CADM1: variants seen among roughly 807,000 people sequenced by gnomAD.
CADM1 encodes the protein cell adhesion molecule 1.
In CADM1, 15 loss-of-function variants were observed where a neutral mutation model predicts 53.1. That is an observed-to-expected ratio of 0.28 (90% confidence interval 0.19 to 0.44). The LOEUF is 0.44. CADM1 is among the 20% of genes least tolerant of loss of function. CADM1 has a pLI of 1.00. For synonymous variants in CADM1, 281 were observed against 243.0 expected (o/e 1.16, Z -1.45); for missense variants, 434 against 611.3 (o/e 0.71, Z 3.06).
At chr11:115,393,066 CAAAAAAAAA>C (rs758785520) in intron 1 of CADM1, among the ~76,000 whole-genome samples, 1 of 50,218 alleles carries the variant, frequency 2.0e-5, no homozygotes, top group Non-Finnish European at 3.8e-5. Context: ...CCATCTCTTC[CAAAAAAAAA>C]AAAAAAAAAA....
At chr11:115,329,277 A>T (rs1037025324) in intron 1 of CADM1, among the ~76,000 whole-genome samples, 1 of 152,116 alleles carries the variant, frequency 6.6e-6, no homozygotes, top group Non-Finnish European at 1.5e-5. Context: ...AGAACTGAAA[A>T]ATGTCCCTCC....
rs2135178016 is a variant in CADM1, at chr11:115,317,214, C to T, written c.125-76794G>A. Among the ~76,000 whole-genome samples, 3 of 152,274 alleles carry T rather than the reference C, an allele frequency of 2.0e-5. No homozygotes were observed. In the East Asian group the frequency reaches 5.8e-4, roughly 29 times the overall value. On this transcript the variant is annotated intron_variant, in intron 1 of 11. Coordinates refer to ENST00000331581, the MANE Select transcript of CADM1 (RefSeq NM_001301043.2). ...AGCCCAGATACAGAAAATTGATCTTCAATTGCCCCTGCAGCCTTGCAGACA... is the reference window on the plus strand; with the variant it reads ...AGCCCAGATACAGAAAATTGATCTTTAATTGCCCCTGCAGCCTTGCAGACA...
chr11:115,496,345 CAGTT>C (rs776882345), intron 1 of CADM1, among the ~76,000 whole-genome samples: 14 of 152,134 alleles, frequency 9.2e-5, no homozygotes, highest in Non-Finnish European at 1.8e-4. Context: ...CAAACCAAGA[CAGTT>C]AGTTAAGGGA....
At chr11:115,291,061 T>C (rs1337038433) in intron 1 of CADM1, among the ~76,000 whole-genome samples, 1 of 152,146 alleles carries the variant, frequency 6.6e-6, no homozygotes, top group Non-Finnish European at 1.5e-5. Flanking sequence ...ATGAAAGGAT[T>C]ACTATAGCAA....
intron 1 of CADM1, among the ~76,000 whole-genome samples, chr11:115,267,416 C>G (rs1271646911): frequency 6.6e-6 from 1 of 152,202 alleles, no homozygotes; most frequent in African/African-American, 2.4e-5. Flanking sequence ...ACGAGGCCAG[C>G]CAGTGTGCTA....
intron 1 of CADM1, among the ~76,000 whole-genome samples, chr11:115,452,888 G>A (rs926743014): frequency 6.6e-6 from 1 of 152,270 alleles, no homozygotes; most frequent in Admixed American, 6.5e-5. Context: ...AAGGGTGGGA[G>A]TGATTGACAT....
intron 1 of CADM1, among the ~76,000 whole-genome samples, chr11:115,336,643 C>T (rs1945274894): frequency 6.6e-6 from 1 of 152,054 alleles, no homozygotes; most frequent in Non-Finnish European, 1.5e-5. Flanking sequence ...TCAGGAAACA[C>T]TAGATTTAAG....
intron 1 of CADM1, among the ~76,000 whole-genome samples, chr11:115,304,077 C>T (rs866933846): frequency 6.6e-6 from 1 of 152,002 alleles, no homozygotes; most frequent in African/African-American, 2.4e-5. Context: ...ATATTATGTA[C>T]AAATAGTCTG....
intron 5 of CADM1, among the ~76,000 whole-genome samples, chr11:115,221,513 A>G (rs1941404424): frequency 6.6e-6 from 1 of 152,178 alleles, no homozygotes; most frequent in African/African-American, 2.4e-5. Flanking sequence ...TGCTCTCTCT[A>G]TAAAGGGAAA....
At chr11:115,220,701 G>A (rs1941373071) in intron 5 of CADM1, among the ~76,000 whole-genome samples, 1 of 148,634 alleles carries the variant, frequency 6.7e-6, no homozygotes, top group East Asian at 2.0e-4. Flanking sequence ...TATTATAGAA[G>A]GTCTATGTGC....
At chr11:115,432,467 T>A (rs1054315048) in intron 1 of CADM1, among the ~76,000 whole-genome samples, 1 of 152,190 alleles carries the variant, frequency 6.6e-6, no homozygotes, top group Non-Finnish European at 1.5e-5. Context: ...AGGTCAAGGA[T>A]TCTCCCTTTT....
intron 1 of CADM1, among the ~76,000 whole-genome samples, chr11:115,359,402 C>T (rs954105653): frequency 6.6e-6 from 1 of 152,014 alleles, no homozygotes; most frequent in Non-Finnish European, 1.5e-5. Context: ...TGATATTGCT[C>T]GAGAACCAAG....
chr11:115,252,745 T>TA (rs199833538), intron 1 of CADM1, among the ~76,000 whole-genome samples: 213 of 146,440 alleles, frequency 1.5e-3, no homozygotes, highest in African/African-American at 3.7e-3. Context: ...CTGTAAAACC[T>TA]AAAAAAAAAA....
chr11:115,256,667 CT>C (rs1942798625), intron 1 of CADM1, among the ~76,000 whole-genome samples: 1 of 152,074 alleles, frequency 6.6e-6, no homozygotes, highest in Non-Finnish European at 1.5e-5. Flanking sequence ...AACTTTTTTT[CT>C]GGTTGGAGGT....
chr11:115,490,392 A>ATTTTTTTTTTTTTTTT (rs35633504), intron 1 of CADM1, among the ~76,000 whole-genome samples: 2 of 109,330 alleles, frequency 1.8e-5, no homozygotes, highest in Admixed American at 1.1e-4. Flanking sequence ...GGAAGAACAG[A>ATTTTTTTTTTTTTTTT]TTTTTTTTTT....
rs189526535 is a variant in CADM1, at chr11:115,362,727, A to G, written c.125-122307T>C. 4.0e-3 allele frequency among the ~76,000 whole-genome samples: 605 copies of G among 152,326 alleles called. 3 individuals are homozygous for G. The highest frequency in any genetic ancestry group is 0.014 in the African/African-American group (574 of 41,580). ...TTAAAAGCAAAGGAAAAAAAAGGCA[A>G]GATACTATTTAATCCTTCTTCACAA... On this transcript the variant is annotated intron_variant, in intron 1 of 11. Coordinates refer to ENST00000331581, the MANE Select transcript of CADM1 (RefSeq NM_001301043.2).
intron 1 of CADM1, among the ~76,000 whole-genome samples, chr11:115,401,267 C>T (rs1947144980): frequency 6.6e-6 from 1 of 152,190 alleles, no homozygotes. Context: ...CTGCATGATT[C>T]CAGCTATATA....
chr11:115,327,615 C>T (rs1944993958), intron 1 of CADM1, among the ~76,000 whole-genome samples: 1 of 152,014 alleles, frequency 6.6e-6, no homozygotes, highest in African/African-American at 2.4e-5. Context: ...CTACACAACA[C>T]ACCTACTGAG....
chr11:115,228,984 T>C, intron 5 of CADM1, 129 bp downstream of exon 5: 1 of 917,680 alleles, frequency 1.1e-6, no homozygotes, highest in South Asian at 1.4e-5. Context: ...AAATAATCCT[T>C]TATTTTTCTA....
Sources: gnomAD v4.1 joint callset for allele counts (sites outside exome capture counted in the v4.1 genomes callset) on GRCh38, gnomAD v4.1.1 for gene constraint, MANE v1.5 for transcripts, NCBI Gene and HGNC (gene_info 2026-07-23, HGNC 2026-07-21) for gene names.